CUL5: variants seen among roughly 807,000 people sequenced by gnomAD.
The protein encoded by CUL5 is cullin-5.
CUL5 carries 26 observed loss-of-function variants against 108.8 expected under a neutral mutation model. That is an observed-to-expected ratio of 0.24 (90% confidence interval 0.18 to 0.33). The LOEUF is 0.33. Among genes scored for constraint, CUL5 ranks in the 10% least tolerant of loss-of-function variants. The pLI is 1.00. For synonymous variants in CUL5, 334 were observed against 298.0 expected (o/e 1.12, Z -1.25); for missense variants, 524 against 909.2 (o/e 0.58, Z 5.45).
chr11:108,051,121 C>G (rs1226915564), intron 4 of CUL5, among the ~76,000 whole-genome samples: 1 of 152,068 alleles, frequency 6.6e-6, no homozygotes. Flanking sequence ...AAAATTTGAT[C>G]TGATGTTGAC....
At chr11:108,039,423 A>T (rs1050772378) in intron 2 of CUL5, among the ~76,000 whole-genome samples, 1 of 152,188 alleles carries the variant, frequency 6.6e-6, no homozygotes, top group Non-Finnish European at 1.5e-5. Flanking sequence ...AAAGATTCTC[A>T]CATGTTTCCA....
rs573773136 is a variant in CUL5, at chr11:108,105,138, A to G, written c.*754A>G. 1 of 152,282 alleles carries G rather than the reference A, an allele frequency of 6.6e-6. No homozygotes were observed. The highest frequency in any genetic ancestry group is 2.4e-5 in the African/African-American group (1 of 41,422). 9.4% of individuals were successfully genotyped at this position (152,282 alleles called of 1,614,324 possible). A position where few individuals can be genotyped will look rare whatever the true frequency, so the allele number is the denominator to read the frequency against. ...GAAGCTTATATTAATTGTTGCTTCA[A>G]TAGTTTAAAAAATTTATGGAGATAG... is the stretch of plus-strand genomic sequence containing the variant. On this transcript the variant is annotated 3_prime_UTR_variant, in exon 19 of 19. Transcript: ENST00000393094.
At chr11:108,037,946 A>G (rs1293595998) in intron 2 of CUL5, among the ~76,000 whole-genome samples, 1 of 152,230 alleles carries the variant, frequency 6.6e-6, no homozygotes, top group Non-Finnish European at 1.5e-5. Flanking sequence ...TCAATGAATT[A>G]TAGATGTATA....
At chr11:108,093,329 C>T (rs1016980427) in intron 13 of CUL5, among the ~76,000 whole-genome samples, 3 of 152,094 alleles carry the variant, frequency 2.0e-5, no homozygotes, top group Non-Finnish European at 4.4e-5. Context: ...CTGAGAATTC[C>T]TTTATAGCAT....
chr11:108,050,966 G>C (rs1270755317), intron 4 of CUL5, among the ~76,000 whole-genome samples: 2 of 152,116 alleles, frequency 1.3e-5, no homozygotes, highest in African/African-American at 4.8e-5. Context: ...CTTTCCACTT[G>C]TAAGAATAAA....
At chr11:108,049,568 C>G (rs1863158007) in intron 3 of CUL5, among the ~76,000 whole-genome samples, 2 of 152,018 alleles carry the variant, frequency 1.3e-5, no homozygotes, top group Non-Finnish European at 2.9e-5. Flanking sequence ...GTCTCAAATT[C>G]CTGAGCTCAA....
At chr11:108,090,606 T>C (rs932863558) in intron 13 of CUL5, among the ~76,000 whole-genome samples, 1 of 152,230 alleles carries the variant, frequency 6.6e-6, no homozygotes, top group African/African-American at 2.4e-5. Context: ...TAAATACTTC[T>C]GTATAGCAAA....
intron 2 of CUL5, among the ~76,000 whole-genome samples, chr11:108,044,693 CTGATTTACAACTTGGTCATT>C (rs909763712): frequency 1.3e-5 from 2 of 151,388 alleles, no homozygotes; most frequent in African/African-American, 4.9e-5. Context: ...CGTTGTTTCT[CTGATTTACAACTTGGTCATT>C]TGATTTACAA....
chr11:108,059,179 T>C (rs1259934030), intron 7 of CUL5, among the ~76,000 whole-genome samples: 1 of 152,190 alleles, frequency 6.6e-6, no homozygotes, highest in Non-Finnish European at 1.5e-5. Flanking sequence ...CACCCAGCTT[T>C]AAGCCAAAAT....
At chr11:108,096,974 T>TGC (rs1224547888) in intron 16 of CUL5, among the ~76,000 whole-genome samples, 1 of 152,192 alleles carries the variant, frequency 6.6e-6, no homozygotes, top group Non-Finnish European at 1.5e-5. Flanking sequence ...ATTAGCCCCC[T>TGC]GCTCACAACT....
At chr11:108,020,062 C>T (rs900872548) in intron 1 of CUL5, among the ~76,000 whole-genome samples, 1 of 152,150 alleles carries the variant, frequency 6.6e-6, no homozygotes, top group African/African-American at 2.4e-5. Flanking sequence ...TTCATCTGTA[C>T]ATGAGGGATC....
In CUL5 at chr11:108,091,226, A is replaced by G. The variant is rs548621232; in HGVS notation, c.1443+1603A>G. Among the ~76,000 whole-genome samples, 289 of 151,994 alleles carry G rather than the reference A, an allele frequency of 1.9e-3. 3 individuals are homozygous for G. The highest frequency in any genetic ancestry group is 3.1e-3 in the Non-Finnish European group (210 of 67,958). On this transcript the variant is annotated intron_variant, in intron 13 of 18. Coordinates refer to ENST00000393094, the MANE Select transcript of CUL5 (RefSeq NM_003478.6). ...GCCATGACGCCTGGCTAATTTTTGT[A>G]TTTTTAGTAGAGACACGGTTTTGCA...
At chr11:108,087,554 G>T (rs950422964) in intron 11 of CUL5, among the ~76,000 whole-genome samples, 5 of 152,162 alleles carry the variant, frequency 3.3e-5, no homozygotes, top group Non-Finnish European at 5.9e-5. Context: ...TACTCAGGAG[G>T]AGTCCAGCCT....
chr11:108,027,951 CTT>C (rs1284761017), intron 1 of CUL5, among the ~76,000 whole-genome samples: 2 of 152,132 alleles, frequency 1.3e-5, no homozygotes, highest in African/African-American at 2.4e-5. Context: ...TGGTTGCTCT[CTT>C]TGTCTCCTTT....
chr11:108,026,595 A>G (rs1015956900), intron 1 of CUL5, among the ~76,000 whole-genome samples: 1 of 152,068 alleles, frequency 6.6e-6, no homozygotes, highest in African/African-American at 2.4e-5. Context: ...TATCCAGTGC[A>G]ATTTAAATTC....
chr11:108,066,138 A>G (rs193285141), intron 7 of CUL5, among the ~76,000 whole-genome samples: 146 of 152,286 alleles, frequency 9.6e-4, no homozygotes, highest in African/African-American at 3.4e-3. Context: ...CAGGAGATCA[A>G]GACCATCCTG....
intron 10 of CUL5, among the ~76,000 whole-genome samples, chr11:108,076,646 T>G (rs991120579): frequency 2.0e-5 from 3 of 152,208 alleles, no homozygotes; most frequent in Non-Finnish European, 4.4e-5. Flanking sequence ...GTCCATATTT[T>G]TGCTATTGTT....
intron 1 of CUL5, among the ~76,000 whole-genome samples, chr11:108,027,104 C>A (rs941057935): frequency 1.1e-4 from 17 of 151,314 alleles, no homozygotes; most frequent in Non-Finnish European, 1.9e-4. Flanking sequence ...TGTACTCTTT[C>A]TAGTTTTCTT....
chr11:108,102,467 C>T (rs893693830), intron 18 of CUL5, among the ~76,000 whole-genome samples: 1 of 152,232 alleles, frequency 6.6e-6, no homozygotes, highest in African/African-American at 2.4e-5. Context: ...GCTGGGACCA[C>T]AGGCGCGTGC....
Sources: gnomAD v4.1 joint callset for allele counts (sites outside exome capture counted in the v4.1 genomes callset) on GRCh38, gnomAD v4.1.1 for gene constraint, MANE v1.5 for transcripts, NCBI Gene and HGNC (gene_info 2026-07-23, HGNC 2026-07-21) for gene names.